Variants in NLRP5 observed in about 807,000 individuals in gnomAD.
NLRP5 encodes NACHT, LRR and PYD domains-containing protein 5.
In NLRP5, 93 loss-of-function variants were observed where a neutral mutation model predicts 113.1. The ratio of observed to expected loss-of-function variants is 0.82; its 90% CI spans 0.70 to 0.98. The LOEUF is 0.98. Ranked by LOEUF, NLRP5 falls within the 50% of genes least tolerant of loss-of-function variation. The probability of loss-of-function intolerance (pLI) is 0.00; values close to 1 mark genes in which losing one functional copy is unlikely to be tolerated. For missense variants in NLRP5, 1,808 were observed against 1,514.3 expected (o/e 1.19, Z -3.22); for synonymous variants, 751 against 600.7 (o/e 1.25, Z -3.66).
At chr19:55,992,074 C>T in the NLRP5 span, among the ~76,000 whole-genome samples, 1 of 152,066 alleles carries the variant, frequency 6.6e-6, no homozygotes. Flanking sequence ...TCTTTGTGTC[C>T]ATGTGTTCTT....
chr19:56,007,069 A>G (rs549937336), intron 2 of NLRP5, among the ~76,000 whole-genome samples: 1 of 151,430 alleles, frequency 6.6e-6, no homozygotes, highest in Non-Finnish European at 1.5e-5. Flanking sequence ...ATTGTATATA[A>G]AAATGTCTTA....
At chr19:56,049,339 C>T (rs1205115053) in intron 11 of NLRP5, among the ~76,000 whole-genome samples, 1 of 151,952 alleles carries the variant, frequency 6.6e-6, no homozygotes, top group East Asian at 1.9e-4. Flanking sequence ...ACCACCACGC[C>T]CAACTAATTT....
At chr19:56,005,022 A>G (rs1209301962) in intron 2 of NLRP5, among the ~76,000 whole-genome samples, 1 of 150,218 alleles carries the variant, frequency 6.7e-6, no homozygotes, top group Admixed American at 6.7e-5. Context: ...TGAATCCGGG[A>G]GGCAGAGGTT....
intron 11 of NLRP5, among the ~76,000 whole-genome samples, chr19:56,048,535 C>CTGAGG (rs372015817): frequency 6.6e-6 from 1 of 151,490 alleles, no homozygotes; most frequent in Non-Finnish European, 1.5e-5. Flanking sequence ...GTTCAAGGAA[C>CTGAGG]AAACAAGGGC....
rs1246553182 is a variant in NLRP5 at position 56,026,910 on chromosome 19, C to A, written c.680-3C>A. ...ATTTTCATTCTACCCTCTCTGACTC[C>A]AGGACATGGAGGTGACACATGGGAC... On this transcript the variant is annotated splice_region_variant and splice_polypyrimidine_tract_variant and intron_variant, in intron 6 of 14. Transcript: ENST00000390649. 6.5e-7 allele frequency: 1 copy of A among 1,549,166 alleles called. No homozygotes were observed. The highest frequency in any genetic ancestry group is 2.4e-5 in the East Asian group (1 of 40,854).
chr19:56,032,510 T>A (rs1983157910), intron 7 of NLRP5, 101 bp from the exon 8 acceptor site: 2 of 1,063,958 alleles, frequency 1.9e-6, no homozygotes, highest in Non-Finnish European at 2.7e-6. Flanking sequence ...GCCACCGTGG[T>A]CTCACCTCGA....
chr19:56,008,763 G>A (rs12460633), intron 2 of NLRP5, 25 bp from the exon 3 acceptor site: 565,660 of 1,585,342 alleles, frequency 0.36, 102,975 homozygotes, highest in Admixed American at 0.38. Context: ...ATTGAGGCCA[G>A]TCTCCCTTTT....
At chr19:56,019,890 G>A (rs1982548861) in intron 5 of NLRP5, among the ~76,000 whole-genome samples, 1 of 149,626 alleles carries the variant, frequency 6.7e-6, no homozygotes, top group Non-Finnish European at 1.5e-5. Flanking sequence ...AAGCTGTAGT[G>A]CAGTGGCGGG....
At chr19:56,054,254 G>A (rs1347945376) in intron 13 of NLRP5, among the ~76,000 whole-genome samples, 1 of 152,082 alleles carries the variant, frequency 6.6e-6, no homozygotes, top group Non-Finnish European at 1.5e-5. Flanking sequence ...CTATGGTTCA[G>A]CCATGAAAAG....
At chr19:55,993,304 A>C in the NLRP5 span, among the ~76,000 whole-genome samples, 5 of 146,684 alleles carry the variant, frequency 3.4e-5, no homozygotes, top group Admixed American at 3.4e-4. Context: ...ATTCACCTGC[A>C]GTGCTGCAGA....
At chr19:56,031,015 AT>A (rs1447728983) in intron 7 of NLRP5, among the ~76,000 whole-genome samples, 10 of 151,142 alleles carry the variant, frequency 6.6e-5, no homozygotes, top group Non-Finnish European at 1.5e-5. Context: ...CCCGGCCTCT[AT>A]TTTTCTTTTA....
At chr19:56,025,446 C>A (rs1982805303) in intron 6 of NLRP5, among the ~76,000 whole-genome samples, 1 of 148,584 alleles carries the variant, frequency 6.7e-6, no homozygotes, top group Non-Finnish European at 1.5e-5. Flanking sequence ...CGCTCTGTCG[C>A]CCAGTCTGGA....
chr19:56,018,344 T>C (rs1982486991), intron 4 of NLRP5, among the ~76,000 whole-genome samples: 1 of 152,242 alleles, frequency 6.6e-6, no homozygotes, highest in African/African-American at 2.4e-5. Context: ...AATTTGTATT[T>C]AGCCTCACAT....
intron 11 of NLRP5, among the ~76,000 whole-genome samples, chr19:56,048,977 T>TAA (rs1555770464): frequency 0.31 from 35,751 of 115,138 alleles, 5,523 homozygotes; most frequent in Non-Finnish European, 0.35. Context: ...TTTTTTTTTT[T>TAA]AATTTTTTTT....
rs1457953296 is a variant in NLRP5 at position 56,025,507 on chromosome 19, G to C, written c.680-1406G>C. Among the ~76,000 whole-genome samples, 6 of 151,938 alleles carry C rather than the reference G, an allele frequency of 3.9e-5. No homozygotes were observed. In the East Asian group the frequency reaches 9.6e-4, roughly 24 times the overall value. ...TGCAAGCTCCACCTTCTGCGTTCATGACTTTCTCCTGCCTCAGCCTCCCGA... is the reference window on the plus strand; with the variant it reads ...TGCAAGCTCCACCTTCTGCGTTCATCACTTTCTCCTGCCTCAGCCTCCCGA... On this transcript the variant is annotated intron_variant, in intron 6 of 14. Coordinates refer to ENST00000390649, the MANE Select transcript of NLRP5 (RefSeq NM_153447.4).
Position 56,027,747 on chromosome 19 carries a change from T to C in NLRP5, c.1514T>C (p.Phe505Ser). The change falls in exon 7 of 15, where the codon TTT (phenylalanine) becomes TCT (serine). Residue 505 changes from phenylalanine (F) to serine (S), a missense_variant. Coordinates refer to ENST00000390649, the MANE Select transcript of NLRP5 (RefSeq NM_153447.4). ...ACGCTCACAGGCCTGCACGCCGCTTTTGTGTTTCATCAGCTCACCCCTCGA... is the reference window on the plus strand; with the variant it reads ...ACGCTCACAGGCCTGCACGCCGCTTCTGTGTTTCATCAGCTCACCCCTCGA... 3 of 1,613,686 alleles carry C rather than the reference T, an allele frequency of 1.9e-6. No homozygotes were observed. The highest frequency in any genetic ancestry group is 2.5e-6 in the Non-Finnish European group (3 of 1,179,830).
Position 56,028,122 on chromosome 19 carries a change from C to A in NLRP5, c.1889C>A (p.Ser630Ter). Residue 630 changes from serine (S) to a stop codon, truncating the protein, a stop_gained, in exon 7 of 15, where the codon TCG becomes TAG. Coordinates refer to ENST00000390649, the MANE Select transcript of NLRP5 (RefSeq NM_153447.4). LOFTEE classifies it high-confidence loss of function. ...AAACAGGCAGGCTTCCATATCCACT[C>A]GCTTTGGATGAAGCGTTTCTTGTTT... 1.2e-6 allele frequency: 2 copies of A among 1,614,014 alleles called. No homozygotes were observed. Among genetic ancestry groups the A allele is most frequent in the Non-Finnish European group, 1.7e-6 (2 of 1,179,892 alleles).
Position 56,058,233 on chromosome 19 carries a change from C to G in NLRP5, c.3300-7C>G, listed in dbSNP as rs761138516. On this transcript the variant is annotated splice_polypyrimidine_tract_variant and splice_region_variant and intron_variant, in intron 13 of 14. Transcript: ENST00000390649. ...GGGGTTATTTTCTGGGTGTCCTGAC[C>G]CTGCAGGTTGAAGGCATGTGGACTG... The G allele has an allele frequency of 6.2e-7, 1 of 1,610,044 alleles. No individual in the cohort carries two copies. Among genetic ancestry groups the G allele is most frequent in the East Asian group, 2.2e-5 (1 of 44,790 alleles).
At chr19:55,998,006 T>A (rs1007500762), upstream of NLRP5, among the ~76,000 whole-genome samples, 1 of 152,200 alleles carries the variant, frequency 6.6e-6, no homozygotes, top group South Asian at 2.1e-4. Context: ...TCTACTCTTA[T>A]AAATGGTTTT....
Sources: allele counts gnomAD v4.1 joint callset (sites outside exome capture counted in the v4.1 genomes callset), GRCh38; gene constraint gnomAD v4.1.1; transcripts MANE v1.5; gene names NCBI Gene and HGNC (gene_info 2026-07-23, HGNC 2026-07-21).